GPC5: variants seen among roughly 807,000 people sequenced by gnomAD.
The protein encoded by GPC5 is glypican-5.
In GPC5, 47 loss-of-function variants were observed where a neutral mutation model predicts 53.9. That is an observed-to-expected ratio of 0.87 (90% CI 0.69 to 1.11). The LOEUF (loss-of-function observed/expected upper bound fraction) is 1.11. GPC5 is among the 50% of genes most tolerant of loss of function. The pLI is 0.00. For synonymous variants in GPC5, 286 were observed against 263.3 expected (o/e 1.09, Z -0.84); for missense variants, 748 against 713.1 (o/e 1.05, Z -0.56).
At chr13:92,347,336 A>G (rs2043421701) in intron 7 of GPC5, among the ~76,000 whole-genome samples, 1 of 152,224 alleles carries the variant, frequency 6.6e-6, no homozygotes, top group Non-Finnish European at 1.5e-5. Context: ...CACTATCAGC[A>G]GATTTCTCAG....
chr13:92,798,845 T>G (rs1436216966), intron 7 of GPC5, among the ~76,000 whole-genome samples: 5 of 151,874 alleles, frequency 3.3e-5, no homozygotes, highest in Non-Finnish European at 5.9e-5. Flanking sequence ...TATGAACACA[T>G]ATTGACTGCT....
chr13:91,772,325 A>G (rs1323284347), intron 5 of GPC5, among the ~76,000 whole-genome samples: 1 of 152,202 alleles, frequency 6.6e-6, no homozygotes, highest in Non-Finnish European at 1.5e-5. Flanking sequence ...AATAAAAAAA[A>G]TTAAGTTAAT....
At chr13:92,766,327 A>T (rs1020811953) in intron 7 of GPC5, among the ~76,000 whole-genome samples, 2 of 152,110 alleles carry the variant, frequency 1.3e-5, no homozygotes, top group African/African-American at 4.8e-5. Flanking sequence ...GATCTTTCAT[A>T]AAAACCAAAC....
At chr13:92,864,380 C>T (rs1879278097) in intron 7 of GPC5, among the ~76,000 whole-genome samples, 1 of 152,128 alleles carries the variant, frequency 6.6e-6, no homozygotes, top group Non-Finnish European at 1.5e-5. Flanking sequence ...TTTCTACTTA[C>T]ATATTTTCAC....
intron 6 of GPC5, among the ~76,000 whole-genome samples, chr13:92,132,819 T>G (rs1391974524): frequency 6.6e-6 from 1 of 152,116 alleles, no homozygotes; most frequent in Non-Finnish European, 1.5e-5. Context: ...TATAATTCAA[T>G]TTTTAAAATC....
At chr13:92,409,354 C>G (rs950854241) in intron 7 of GPC5, among the ~76,000 whole-genome samples, 3 of 151,468 alleles carry the variant, frequency 2.0e-5, no homozygotes, top group Admixed American at 6.6e-5. Context: ...AGAATCATAA[C>G]GAAGGTAACC....
At chr13:92,041,425 C>A (rs1332084560) in intron 6 of GPC5, among the ~76,000 whole-genome samples, 2 of 152,212 alleles carry the variant, frequency 1.3e-5, no homozygotes, top group African/African-American at 2.4e-5. Context: ...CAACCTCACA[C>A]TGACCTTGAC....
In GPC5 at chr13:92,780,081, G is replaced by C. The variant is rs187369915; in HGVS notation, c.1562-86201G>C. Among the ~76,000 whole-genome samples the C allele has an allele frequency of 2.8e-4, 43 of 152,096 alleles. 1 individual carries two copies. The East Asian group carries it at 5.4e-3, about 19-fold the overall frequency. ...ATTAACATAGTGGTGTGTCTACTAA[G>C]TGGACCATAATATTCCAGTCTGTTT... On this transcript the variant is annotated intron_variant, in intron 7 of 7. Transcript: ENST00000377067.
At chr13:92,616,803 G>A (rs899054899) in intron 7 of GPC5, among the ~76,000 whole-genome samples, 5 of 152,060 alleles carry the variant, frequency 3.3e-5, no homozygotes, top group African/African-American at 7.2e-5. Context: ...TTCAAAATGC[G>A]TAAAGCAAGA....
intron 7 of GPC5, among the ~76,000 whole-genome samples, chr13:92,834,713 T>C (rs960834999): frequency 2.0e-5 from 3 of 151,994 alleles, no homozygotes; most frequent in Non-Finnish European, 4.4e-5. Flanking sequence ...AAAAAGAAAA[T>C]GTACATGTAT....
intron 7 of GPC5, among the ~76,000 whole-genome samples, chr13:92,504,226 G>A (rs1269144251): frequency 1.3e-5 from 2 of 151,854 alleles, no homozygotes; most frequent in Admixed American, 6.6e-5. Flanking sequence ...CTATAGAAGC[G>A]AAGAACTTTT....
At chr13:92,839,181 G>A (rs1463274754) in intron 7 of GPC5, among the ~76,000 whole-genome samples, 1 of 152,156 alleles carries the variant, frequency 6.6e-6, no homozygotes, top group African/African-American at 2.4e-5. Context: ...ATATTACAAT[G>A]TTCAATATTT....
At chr13:92,844,124 A>G (rs1439014727) in intron 7 of GPC5, among the ~76,000 whole-genome samples, 2 of 151,962 alleles carry the variant, frequency 1.3e-5, no homozygotes, top group African/African-American at 4.8e-5. Context: ...TTTGTAAGTG[A>G]CAGTTACTTC....
At chr13:91,648,696 A>G (rs961970716) in intron 2 of GPC5, among the ~76,000 whole-genome samples, 1 of 148,608 alleles carries the variant, frequency 6.7e-6, no homozygotes, top group South Asian at 2.1e-4. Flanking sequence ...TAAAACATAC[A>G]TACACATGCA....
chr13:91,897,904 A>G (rs1721444877), intron 5 of GPC5, among the ~76,000 whole-genome samples: 1 of 152,080 alleles, frequency 6.6e-6, no homozygotes, highest in Non-Finnish European at 1.5e-5. Flanking sequence ...TTACCTCAAC[A>G]CTTTAACTGT....
chr13:91,406,537 C>A (rs1877334216), intron 1 of GPC5, among the ~76,000 whole-genome samples: 1 of 152,178 alleles, frequency 6.6e-6, no homozygotes, highest in Non-Finnish European at 1.5e-5. Flanking sequence ...ACCTGCTTTG[C>A]ATACCTGATA....
chr13:92,507,944 TTTAATTAATTTAA>T (rs1880432483), intron 7 of GPC5, among the ~76,000 whole-genome samples: 1 of 152,156 alleles, frequency 6.6e-6, no homozygotes. Context: ...CAAATTTTTA[TTTAATTAATTTAA>T]TTAATTAATT....
At chr13:92,451,305 T>C (rs577598519) in intron 7 of GPC5, among the ~76,000 whole-genome samples, 6 of 152,142 alleles carry the variant, frequency 3.9e-5, no homozygotes, top group Non-Finnish European at 4.4e-5. Context: ...TACAAATCAG[T>C]TAACTGACTT....
chr13:91,846,743 G>A (rs2038853512), intron 5 of GPC5, among the ~76,000 whole-genome samples: 2 of 152,172 alleles, frequency 1.3e-5, no homozygotes, highest in Admixed American at 1.3e-4. Flanking sequence ...TCATCAGATT[G>A]GCCAGTCTCA....
Sources: gnomAD v4.1 joint callset for allele counts (sites outside exome capture counted in the v4.1 genomes callset) on GRCh38, gnomAD v4.1.1 for gene constraint, MANE v1.5 for transcripts, NCBI Gene and HGNC (gene_info 2026-07-23, HGNC 2026-07-21) for gene names.